The following FOXN3 variants were observed in gnomAD, a reference collection of about 807,000 sequenced individuals.
FOXN3 encodes the protein forkhead box N3.
In FOXN3, 7 loss-of-function variants were observed where a neutral mutation model predicts 38.4. That is an observed-to-expected ratio of 0.18 (90% CI 0.10 to 0.34). FOXN3 has a LOEUF of 0.34. FOXN3 is among the 10% of genes least tolerant of loss of function. FOXN3 has a pLI of 1.00. For missense variants in FOXN3, 456 were observed against 613.4 expected (o/e 0.74, Z 2.71); for synonymous variants, 230 against 242.2 (o/e 0.95, Z 0.47).
chr14:89,557,959 T>C (rs1895163707), intron 1 of FOXN3, among the ~76,000 whole-genome samples: 1 of 152,060 alleles, frequency 6.6e-6, no homozygotes, highest in Non-Finnish European at 1.5e-5. Flanking sequence ...TAAGCCAAGA[T>C]CATGCCACTG....
At chr14:89,227,017 T>G in intron 4 of FOXN3, among the ~76,000 whole-genome samples, 1 of 152,350 alleles carries the variant, frequency 6.6e-6, no homozygotes, top group Non-Finnish European at 1.5e-5. Context: ...TGCTGGGTAC[T>G]TTGTTACGGC....
At chr14:89,368,877 G>A (rs375386653) in intron 2 of FOXN3, among the ~76,000 whole-genome samples, 13 of 152,270 alleles carry the variant, frequency 8.5e-5, no homozygotes, top group African/African-American at 2.2e-4. Context: ...GATAGCCAAC[G>A]AGAGGGCTAT....
At chr14:89,337,062 G>C (rs1373317886) in intron 3 of FOXN3, among the ~76,000 whole-genome samples, 4 of 152,138 alleles carry the variant, frequency 2.6e-5, no homozygotes, top group Non-Finnish European at 4.4e-5. Context: ...AAATCAGGGA[G>C]GGGGAGGTGC....
chr14:89,230,224 C>T (rs190588295), intron 4 of FOXN3, among the ~76,000 whole-genome samples: 1 of 152,288 alleles, frequency 6.6e-6, no homozygotes, highest in Admixed American at 6.5e-5. Flanking sequence ...TAACACACAC[C>T]CTTTTCATTT....
intron 3 of FOXN3, among the ~76,000 whole-genome samples, chr14:89,336,302 A>G (rs552898268): frequency 1.3e-5 from 2 of 150,346 alleles, no homozygotes; most frequent in South Asian, 2.1e-4. Context: ...TCCCCCATCA[A>G]TTTCCATGGC....
intron 4 of FOXN3, among the ~76,000 whole-genome samples, chr14:89,221,490 A>G (rs1596111919): frequency 6.6e-6 from 1 of 152,258 alleles, no homozygotes; most frequent in African/African-American, 2.4e-5. Context: ...TTTGTGATAT[A>G]TGAAGCAAAA....
At chr14:89,587,978 T>A (rs1047986565) in intron 1 of FOXN3, among the ~76,000 whole-genome samples, 5 of 151,700 alleles carry the variant, frequency 3.3e-5, no homozygotes, top group Non-Finnish European at 5.9e-5. Flanking sequence ...ATAGTTTGGA[T>A]CTGTGTCCCC....
At chr14:89,313,286 C>T (rs917727601) in intron 3 of FOXN3, among the ~76,000 whole-genome samples, 1 of 152,150 alleles carries the variant, frequency 6.6e-6, no homozygotes, top group Non-Finnish European at 1.5e-5. Context: ...GACAAGACTG[C>T]CGGGCGCAGC....
At chr14:89,289,978 T>C (rs12432521) in intron 3 of FOXN3, among the ~76,000 whole-genome samples, 1,910 of 152,308 alleles carry the variant, frequency 0.013, 40 homozygotes, top group African/African-American at 0.044. Context: ...AAATCCATAA[T>C]GTTCACAAGT....
intron 2 of FOXN3, among the ~76,000 whole-genome samples, chr14:89,391,067 T>A (rs1490779443): frequency 6.6e-6 from 1 of 152,128 alleles, no homozygotes. Context: ...AAACTGTCTT[T>A]CCTTATTTAT....
At chr14:89,501,751 G>A (rs894869720) in intron 1 of FOXN3, among the ~76,000 whole-genome samples, 19 of 152,146 alleles carry the variant, frequency 1.2e-4, no homozygotes, top group Admixed American at 2.6e-4. Flanking sequence ...GGGACACTGA[G>A]GCAGGAGAAT....
chr14:89,203,487 G>A (rs1888287015), intron 4 of FOXN3, among the ~76,000 whole-genome samples: 1 of 152,228 alleles, frequency 6.6e-6, no homozygotes, highest in African/African-American at 2.4e-5. Context: ...GAGGGAGGCT[G>A]TCTGCCAGGC....
chr14:89,359,520 T>C (rs1167635829), intron 2 of FOXN3, among the ~76,000 whole-genome samples: 1 of 152,124 alleles, frequency 6.6e-6, no homozygotes, highest in Admixed American at 6.5e-5. Context: ...AAAAGAAGCG[T>C]TTTGTCTCAG....
intron 1 of FOXN3, among the ~76,000 whole-genome samples, chr14:89,472,599 C>T (rs1409842699): frequency 2.7e-5 from 4 of 150,898 alleles, no homozygotes; most frequent in Non-Finnish European, 5.9e-5. Context: ...CGGACGCCTG[C>T]AGTCCCAGCT....
At chr14:89,265,748 C>T (rs1039328325) in intron 4 of FOXN3, among the ~76,000 whole-genome samples, 4 of 152,170 alleles carry the variant, frequency 2.6e-5, no homozygotes, top group Non-Finnish European at 4.4e-5. Flanking sequence ...GACTGCAGAT[C>T]GTCCTACTTG....
chr14:89,396,214 A>G (rs1891094904), intron 2 of FOXN3, among the ~76,000 whole-genome samples: 1 of 152,244 alleles, frequency 6.6e-6, no homozygotes, highest in Non-Finnish European at 1.5e-5. Context: ...AACTGAGTAT[A>G]TTCAGTGACC....
At chr14:89,523,182 A>C (rs1223112231) in intron 1 of FOXN3, among the ~76,000 whole-genome samples, 1 of 152,236 alleles carries the variant, frequency 6.6e-6, no homozygotes, top group East Asian at 1.9e-4. Context: ...CTAAATGTCT[A>C]GACACCTAAT....
rs564928833 is a variant in FOXN3 at position 89,346,237 on chromosome 14, T to C, written c.680+4435A>G. 1.4e-4 allele frequency among the ~76,000 whole-genome samples: 21 copies of C among 152,358 alleles called. No individual in the cohort carries two copies. In the East Asian group the frequency reaches 4.1e-3, roughly 29 times the overall value. ...TCTTTGCAGCAGCAAATTGTGCTGC[T>C]ATAAACATGCAGCATACTACTATTA... On this transcript the variant is annotated intron_variant, in intron 3 of 5. Transcript: ENST00000557258.
chr14:89,468,194 C>T (rs1009298493), intron 1 of FOXN3, among the ~76,000 whole-genome samples: 7 of 151,874 alleles, frequency 4.6e-5, no homozygotes, highest in Non-Finnish European at 1.0e-4. Context: ...TGACTCACTT[C>T]TGTAATCTCA....
Sources: gnomAD v4.1 joint callset for allele counts (sites outside exome capture counted in the v4.1 genomes callset) on GRCh38, gnomAD v4.1.1 for gene constraint, MANE v1.5 for transcripts, NCBI Gene and HGNC (gene_info 2026-07-23, HGNC 2026-07-21) for gene names.